NAALADL2: variants seen among roughly 807,000 people sequenced by gnomAD.
The protein encoded by NAALADL2 is inactive N-acetylated-alpha-linked acidic dipeptidase-like protein 2.
NAALADL2 carries 76 observed loss-of-function variants against 87.2 expected under a neutral mutation model. That is an observed-to-expected ratio of 0.87 (90% CI 0.72 to 1.05). The LOEUF (loss-of-function observed/expected upper bound fraction) is 1.05. Ranked by LOEUF, NAALADL2 falls within the 50% of genes least tolerant of loss-of-function variation. The probability of loss-of-function intolerance (pLI) is 0.00; values close to 1 mark genes in which losing one functional copy is unlikely to be tolerated. For missense variants in NAALADL2, 1,089 were observed against 945.8 expected, an observed-to-expected ratio of 1.15 and a Z score of -1.99; for synonymous variants, 354 against 331.0, an observed-to-expected ratio of 1.07 and a Z score of -0.75.
intron 3 of NAALADL2, among the ~76,000 whole-genome samples, chr3:175,249,329 A>G (rs1748582781): frequency 6.6e-6 from 1 of 152,120 alleles, no homozygotes; most frequent in Non-Finnish European, 1.5e-5. Context: ...ATTTAAAATA[A>G]TAGAGGATTA....
intron 5 of NAALADL2, among the ~76,000 whole-genome samples, chr3:175,433,520 A>G (rs759949076): frequency 1.3e-5 from 2 of 152,044 alleles, no homozygotes; most frequent in Non-Finnish European, 2.9e-5. Flanking sequence ...CTAGCTTATT[A>G]ACAGGACCAT....
chr3:174,649,608 T>G (rs985148491), intron 2 of NAALADL2, among the ~76,000 whole-genome samples: 3 of 152,098 alleles, frequency 2.0e-5, no homozygotes, highest in Non-Finnish European at 2.9e-5. Flanking sequence ...TGACAAGTCA[T>G]AGAGAGTAAT....
At chr3:175,262,932 A>T (rs1581173704) in intron 4 of NAALADL2, among the ~76,000 whole-genome samples, 1 of 151,838 alleles carries the variant, frequency 6.6e-6, no homozygotes, top group Non-Finnish European at 1.5e-5. Context: ...TTGGTACTTT[A>T]AAATAACATG....
At chr3:174,984,957 C>T (rs1441785706) in intron 1 of NAALADL2, among the ~76,000 whole-genome samples, 2 of 152,146 alleles carry the variant, frequency 1.3e-5, no homozygotes, top group Admixed American at 1.3e-4. Context: ...TGTGATTTAA[C>T]TTAGCATTTT....
intron 10 of NAALADL2, among the ~76,000 whole-genome samples, chr3:175,587,306 TCTTG>T (rs1351686248): frequency 6.6e-6 from 1 of 152,248 alleles, no homozygotes; most frequent in Non-Finnish European, 1.5e-5. Context: ...TTATTCTTGC[TCTTG>T]CTTCTTTTTC....
chr3:175,503,771 G>A (rs1012111107), intron 9 of NAALADL2, among the ~76,000 whole-genome samples: 1 of 152,034 alleles, frequency 6.6e-6, no homozygotes, highest in African/African-American at 2.4e-5. Flanking sequence ...CTTTTTCATG[G>A]GGTTGTTTGG....
intron 2 of NAALADL2, among the ~76,000 whole-genome samples, chr3:174,656,503 T>C (rs1425182107): frequency 6.6e-6 from 1 of 152,170 alleles, no homozygotes; most frequent in African/African-American, 2.4e-5. Flanking sequence ...AGTGTCAGCC[T>C]CAAAGCTCAC....
chr3:175,515,890 G>A (rs759342347), intron 9 of NAALADL2, among the ~76,000 whole-genome samples: 1 of 152,214 alleles, frequency 6.6e-6, no homozygotes, highest in Non-Finnish European at 1.5e-5. Flanking sequence ...AGAGCAAGAT[G>A]AAATGTGTTT....
intron 2 of NAALADL2, among the ~76,000 whole-genome samples, chr3:174,560,050 A>T (rs1331069198): frequency 6.6e-6 from 1 of 152,222 alleles, no homozygotes; most frequent in African/African-American, 2.4e-5. Context: ...ATTTTTAATT[A>T]TCTAGTTATT....
intron 3 of NAALADL2, among the ~76,000 whole-genome samples, chr3:174,801,909 T>TG (rs1290860634): frequency 6.6e-6 from 1 of 152,042 alleles, no homozygotes; most frequent in Non-Finnish European, 1.5e-5. Context: ...ATGTTACTAA[T>TG]GGATTGTGAT....
At chr3:175,697,296 C>G (rs1203310855) in intron 11 of NAALADL2, among the ~76,000 whole-genome samples, 1 of 151,782 alleles carries the variant, frequency 6.6e-6, no homozygotes, top group Non-Finnish European at 1.5e-5. Context: ...GGGGAGAATA[C>G]AGAGAATCCT....
intron 4 of NAALADL2, among the ~76,000 whole-genome samples, chr3:175,274,193 A>G (rs1753257262): frequency 6.6e-6 from 1 of 152,164 alleles, no homozygotes; most frequent in Non-Finnish European, 1.5e-5. Context: ...AGCAGGCAAG[A>G]AGGTGTGTGC....
intron 2 of NAALADL2, among the ~76,000 whole-genome samples, chr3:174,568,620 CT>C (rs901948969): frequency 6.6e-5 from 10 of 151,716 alleles, no homozygotes; most frequent in African/African-American, 2.2e-4. Flanking sequence ...GAAGCTGTAT[CT>C]TTTTTTGTGA....
rs913974221 is a variant in NAALADL2 at position 175,804,711 on chromosome 3, T to TA, written c.*1509dup. Reference sequence around the variant, plus strand: ...TTATGGATGAGCATAAACCTAGTCTTAGTTTAAAGGCAAACTAAAGTTGAG... The same window carrying TA: ...TTATGGATGAGCATAAACCTAGTCTTAAGTTTAAAGGCAAACTAAAGTTGAG... On this transcript the variant is annotated 3_prime_UTR_variant, in exon 14 of 14. Coordinates refer to ENST00000454872, the MANE Select transcript of NAALADL2 (RefSeq NM_207015.3). 16 of 148,304 alleles carry TA rather than the reference T, an allele frequency of 1.1e-4. No homozygotes were observed. Among genetic ancestry groups the TA allele is most frequent in the Admixed American group, 1.0e-3 (15 of 15,070 alleles). 9.2% of individuals were successfully genotyped at this position (148,304 alleles called of 1,614,324 possible). A position where few individuals can be genotyped will look rare whatever the true frequency, so the allele number is the denominator to read the frequency against.
At chr3:174,457,643 G>A (rs1559996020) in intron 1 of NAALADL2, among the ~76,000 whole-genome samples, 1 of 152,110 alleles carries the variant, frequency 6.6e-6, no homozygotes, top group Non-Finnish European at 1.5e-5. Context: ...GGCCAATGTG[G>A]TGAAACCCAT....
chr3:175,592,873 A>G (rs1721718635), intron 10 of NAALADL2, among the ~76,000 whole-genome samples: 1 of 152,040 alleles, frequency 6.6e-6, no homozygotes, highest in African/African-American at 2.4e-5. Context: ...CATGTACCCT[A>G]AAACTTAAAG....
chr3:175,300,786 TA>T (rs1464651252), intron 4 of NAALADL2, among the ~76,000 whole-genome samples: 1 of 117,532 alleles, frequency 8.5e-6, no homozygotes, highest in African/African-American at 3.4e-5. Context: ...TTTATTTATT[TA>T]TTTTATTTTA....
At chr3:175,080,121 G>A (rs1292619136) in intron 1 of NAALADL2, among the ~76,000 whole-genome samples, 3 of 151,886 alleles carry the variant, frequency 2.0e-5, no homozygotes, top group South Asian at 2.1e-4. Flanking sequence ...GCCCGCCACG[G>A]CGCCCGGCTA....
chr3:175,401,388 A>G (rs1242728860), intron 5 of NAALADL2, among the ~76,000 whole-genome samples: 2 of 152,160 alleles, frequency 1.3e-5, no homozygotes, highest in South Asian at 2.1e-4. Context: ...ATCACAATAA[A>G]AAAAAGTCAA....
Sources: gnomAD v4.1 joint callset for allele counts (sites outside exome capture counted in the v4.1 genomes callset) on GRCh38, gnomAD v4.1.1 for gene constraint, MANE v1.5 for transcripts, NCBI Gene and HGNC (gene_info 2026-07-23, HGNC 2026-07-21) for gene names.